The following CMSS1 variants were observed in gnomAD, a reference collection of about 807,000 sequenced individuals.
CMSS1 encodes protein CMSS1.
Under a neutral mutation model 43.5 loss-of-function variants are expected in CMSS1, and 33 were observed. The ratio of observed to expected loss-of-function variants is 0.76; its 90% CI spans 0.57 to 1.01. The LOEUF (loss-of-function observed/expected upper bound fraction) is 1.01. Ranked by LOEUF, CMSS1 falls within the 50% of genes least tolerant of loss-of-function variation. The probability of loss-of-function intolerance (pLI) is 0.00; values close to 1 mark genes in which losing one functional copy is unlikely to be tolerated. For missense variants in CMSS1, 313 were observed against 326.4 expected, an observed-to-expected ratio of 0.96 and a Z score of 0.32; for synonymous variants, 115 against 117.2, an observed-to-expected ratio of 0.98 and a Z score of 0.12.
At chr3:100,142,479 C>T (rs1321957708) in intron 1 of CMSS1, among the ~76,000 whole-genome samples, 19 of 152,088 alleles carry the variant, frequency 1.2e-4, no homozygotes, top group Admixed American at 1.2e-3. Context: ...AATATTACAT[C>T]ATTTTATATC....
intron 1 of CMSS1, among the ~76,000 whole-genome samples, chr3:99,856,053 C>T (rs1339781830): frequency 6.6e-6 from 1 of 152,306 alleles, no homozygotes; most frequent in Admixed American, 6.5e-5. Flanking sequence ...CAAGGCACTG[C>T]TCCATCCATT....
intron 1 of CMSS1, among the ~76,000 whole-genome samples, chr3:100,110,313 A>C (rs1481749447): frequency 6.6e-6 from 1 of 152,074 alleles, no homozygotes; most frequent in Non-Finnish European, 1.5e-5. Context: ...CTGTCAGTTT[A>C]ATATCATGGC....
intron 1 of CMSS1, among the ~76,000 whole-genome samples, chr3:99,953,947 T>C (rs865869180): frequency 6.6e-6 from 1 of 152,224 alleles, no homozygotes; most frequent in Non-Finnish European, 1.5e-5. Flanking sequence ...TCTTCCCACA[T>C]TGTAAGTCTC....
intron 2 of CMSS1, among the ~76,000 whole-genome samples, chr3:100,148,821 C>T (rs756027812): frequency 6.6e-6 from 1 of 152,074 alleles, no homozygotes; most frequent in Non-Finnish European, 1.5e-5. Flanking sequence ...GAAAGGTATA[C>T]ATGTTTAATA....
chr3:100,124,608 T>A (rs139925989), intron 1 of CMSS1, among the ~76,000 whole-genome samples: 1 of 152,088 alleles, frequency 6.6e-6, no homozygotes, highest in Non-Finnish European at 1.5e-5. Context: ...TCCCTCCCTG[T>A]CCTCGCAGTC....
intron 3 of CMSS1, among the ~76,000 whole-genome samples, chr3:100,161,168 C>T (rs2067020432): frequency 6.6e-6 from 1 of 152,072 alleles, no homozygotes; most frequent in South Asian, 2.1e-4. Flanking sequence ...TGAAGTCAGC[C>T]GAGGAAATAC....
chr3:100,079,751 A>T (rs2107399586), intron 1 of CMSS1, among the ~76,000 whole-genome samples: 1 of 152,310 alleles, frequency 6.6e-6, no homozygotes, highest in East Asian at 1.9e-4. Flanking sequence ...TCCCACAGCA[A>T]ATCCCAGATT....
Position 100,081,017 on chromosome 3 carries a change from T to G in CMSS1, c.65-65956T>G, listed in dbSNP as rs2065923529. On this transcript the variant is annotated intron_variant, in intron 1 of 9. Transcript: ENST00000421999. ...TGTCATTATTTATTCAAGAACTATC[T>G]GTTGAGCATCTTGTGTAATGAAGGT... Among the ~76,000 whole-genome samples the G allele has an allele frequency of 7.2e-5, 11 of 152,220 alleles. No homozygotes were observed. The South Asian group carries it at 2.3e-3, about 32-fold the overall frequency.
At chr3:100,157,975 C>T (rs1244491804) in intron 2 of CMSS1, among the ~76,000 whole-genome samples, 1 of 152,160 alleles carries the variant, frequency 6.6e-6, no homozygotes, top group Non-Finnish European at 1.5e-5. Context: ...TAGCTTCCAC[C>T]CCTTCTGAAA....
intron 1 of CMSS1, among the ~76,000 whole-genome samples, chr3:99,941,540 G>T (rs1333488630): frequency 6.6e-6 from 1 of 152,200 alleles, no homozygotes; most frequent in Non-Finnish European, 1.5e-5. Context: ...AGCACAGGAG[G>T]TGTTCAATGG....
At chr3:100,040,227 G>A (rs2065180716) in intron 1 of CMSS1, 2 of 151,908 alleles carry the variant, frequency 1.3e-5, no homozygotes, top group African/African-American at 4.8e-5. Flanking sequence ...TACAACATAA[G>A]ATTAAACAAA....
intron 1 of CMSS1, among the ~76,000 whole-genome samples, chr3:100,053,387 A>G (rs2065406449): frequency 6.6e-6 from 1 of 152,182 alleles, no homozygotes; most frequent in African/African-American, 2.4e-5. Flanking sequence ...GTGCTTGCCA[A>G]CAGTCCTTGG....
intron 1 of CMSS1, among the ~76,000 whole-genome samples, chr3:100,115,617 C>G (rs13078033): frequency 1.4e-4 from 20 of 140,600 alleles, no homozygotes; most frequent in South Asian, 2.3e-4. Context: ...CTCTCTCTCT[C>G]TCTCTCTCTC....
chr3:100,060,630 A>T (rs1373932553), intron 1 of CMSS1, among the ~76,000 whole-genome samples: 1 of 152,106 alleles, frequency 6.6e-6, no homozygotes, highest in Non-Finnish European at 1.5e-5. Flanking sequence ...TGAAGCAGAC[A>T]GATACCTTGA....
At chr3:100,064,132 AT>A (rs1469044711) in intron 1 of CMSS1, among the ~76,000 whole-genome samples, 3 of 152,196 alleles carry the variant, frequency 2.0e-5, no homozygotes, top group Non-Finnish European at 4.4e-5. Flanking sequence ...TTGAAAGTGA[AT>A]TTGAGGTCTG....
At chr3:99,871,455 C>G (rs903222977) in intron 1 of CMSS1, among the ~76,000 whole-genome samples, 1 of 151,900 alleles carries the variant, frequency 6.6e-6, no homozygotes, top group Non-Finnish European at 1.5e-5. Flanking sequence ...TAAAACTGAC[C>G]CTGAAGGAGT....
chr3:100,117,876 T>C (rs866196938), intron 1 of CMSS1, among the ~76,000 whole-genome samples: 118 of 119,976 alleles, frequency 9.8e-4, no homozygotes, highest in African/African-American at 2.3e-3. Flanking sequence ...TATATATATA[T>C]ATACACATAC....
intron 1 of CMSS1, among the ~76,000 whole-genome samples, chr3:99,839,168 C>T (rs935283435): frequency 1.3e-5 from 2 of 152,158 alleles, no homozygotes; most frequent in African/African-American, 4.8e-5. Context: ...CCCCAAATCC[C>T]ACCTGAAAGT....
chr3:99,906,108 C>T (rs1706607380), intron 1 of CMSS1, among the ~76,000 whole-genome samples: 1 of 152,124 alleles, frequency 6.6e-6, no homozygotes, highest in Non-Finnish European at 1.5e-5. Flanking sequence ...GTGGGAGGAT[C>T]GCTTGAGCCC....
Sources: allele counts gnomAD v4.1 joint callset (sites outside exome capture counted in the v4.1 genomes callset), GRCh38; gene constraint gnomAD v4.1.1; transcripts MANE v1.5; gene names NCBI Gene and HGNC (gene_info 2026-07-23, HGNC 2026-07-21).